The following VIPR1 variants were observed in gnomAD, a reference collection of about 807,000 sequenced individuals.
The protein encoded by VIPR1 is vasoactive intestinal peptide receptor 1, also known as vasoactive intestinal polypeptide receptor 1.
VIPR1 carries 59 observed loss-of-function variants against 58.8 expected under a neutral mutation model. The ratio of observed to expected loss-of-function variants is 1.00; its 90% CI spans 0.81 to 1.25. The LOEUF (loss-of-function observed/expected upper bound fraction) is 1.25, where lower values mean the gene tolerates loss of function less well. Among genes scored for constraint, VIPR1 ranks in the 50% most tolerant of loss-of-function variants. The probability of loss-of-function intolerance (pLI) is 0.00; values close to 1 mark genes in which losing one functional copy is unlikely to be tolerated. For synonymous variants in VIPR1, 251 were observed against 242.1 expected, an observed-to-expected ratio of 1.04 and a Z score of -0.34; for missense variants, 626 against 602.7, an observed-to-expected ratio of 1.04 and a Z score of -0.40.
At chr3:42,503,593 A>T (rs1699977095) in intron 1 of VIPR1, among the ~76,000 whole-genome samples, 1 of 152,098 alleles carries the variant, frequency 6.6e-6, no homozygotes, top group Non-Finnish European at 1.5e-5. Flanking sequence ...GTTCCTGTGG[A>T]TGGCTTACCT....
chr3:42,523,939 T>G (rs472663), intron 3 of VIPR1, among the ~76,000 whole-genome samples: 2,685 of 152,266 alleles, frequency 0.018, 53 homozygotes, highest in East Asian at 0.059. Context: ...TGCCTCAGCC[T>G]CCTGAGTAGC....
chr3:42,495,181 GCA>G (rs1553634364), intron 1 of VIPR1, among the ~76,000 whole-genome samples: 2 of 152,190 alleles, frequency 1.3e-5, no homozygotes, highest in Non-Finnish European at 2.9e-5. Context: ...GAGTGCAGTG[GCA>G]TGATCTCGGC....
intron 1 of VIPR1, chr3:42,511,690 G>A (rs985858856): frequency 6.6e-6 from 1 of 152,342 alleles, no homozygotes; most frequent in Non-Finnish European, 1.5e-5. Context: ...CCTGTTGCTG[G>A]TGGGAGATGG....
chr3:42,504,231 ACT>A, intron 1 of VIPR1, among the ~76,000 whole-genome samples: 1 of 152,108 alleles, frequency 6.6e-6, no homozygotes, highest in Non-Finnish European at 1.5e-5. Context: ...TCTTGGGACC[ACT>A]GTTGTCACCC....
upstream of VIPR1, among the ~76,000 whole-genome samples, chr3:42,498,788 G>A (rs1278435612): frequency 1.3e-5 from 2 of 152,160 alleles, no homozygotes; most frequent in Non-Finnish European, 1.5e-5. Flanking sequence ...ACACAGTCAC[G>A]TCCCCAATCC....
At chr3:42,498,668 G>A (rs188359341), upstream of VIPR1, among the ~76,000 whole-genome samples, 9 of 152,170 alleles carry the variant, frequency 5.9e-5, no homozygotes, top group Admixed American at 2.0e-4. Flanking sequence ...CTGCTCTCCC[G>A]TGAACTTGGT....
rs957622970 is a variant in VIPR1 at position 42,502,654 on chromosome 3, C to T, written c.-82C>T. ...ACAGCGCCAGCGCCACTCTGCCAGG[C>T]TCCCGGCCATCGCCCGCCTGGTGCG... On this transcript the variant is annotated 5_prime_UTR_variant, in exon 1 of 13. Transcript: ENST00000325123. The T allele has an allele frequency of 6.4e-6, 7 of 1,098,810 alleles. No homozygotes were observed. Among genetic ancestry groups the T allele is most frequent in the Admixed American group, 4.4e-5 (1 of 22,772 alleles). 68.1% of individuals were successfully genotyped at this position (1,098,810 alleles called of 1,614,324 possible).
chr3:42,493,172 G>A (rs140904860), intron 1 of VIPR1, among the ~76,000 whole-genome samples: 2 of 152,342 alleles, frequency 1.3e-5, no homozygotes, highest in African/African-American at 4.8e-5. Context: ...AGGCTAGGAG[G>A]GAGACGGGTG....
intron 2 of VIPR1, 116 bp downstream of exon 2, chr3:42,513,970 A>G: frequency 8.4e-7 from 1 of 1,194,372 alleles, no homozygotes; most frequent in Non-Finnish European, 1.2e-6. Flanking sequence ...GATGGTGAGG[A>G]GCGGCTGGGG....
At chr3:42,534,035 T>C (rs1701718677) in intron 10 of VIPR1, 1 of 152,374 alleles carries the variant, frequency 6.6e-6, no homozygotes, top group Non-Finnish European at 1.5e-5. Context: ...CAGGAAGAGC[T>C]CTGGGCCATG....
At chr3:42,524,739 C>A (rs947269598) in intron 3 of VIPR1, among the ~76,000 whole-genome samples, 1 of 152,102 alleles carries the variant, frequency 6.6e-6, no homozygotes, top group Admixed American at 6.5e-5. Context: ...TATCTGGTCA[C>A]CGAAATAAGT....
intron 5 of VIPR1, 118 bp from the exon 6 acceptor site, chr3:42,527,873 C>T: frequency 7.1e-7 from 1 of 1,411,718 alleles, no homozygotes; most frequent in South Asian, 1.3e-5. Context: ...GAGGCGGGGC[C>T]TGCCCTCTGG....
At chr3:42,523,094 C>CCG (rs538538026) in intron 3 of VIPR1, among the ~76,000 whole-genome samples, 1 of 149,268 alleles carries the variant, frequency 6.7e-6, no homozygotes, top group Non-Finnish European at 1.5e-5. Flanking sequence ...ACCCCGCCCC[C>CCG]AGTGGAGTGT....
chr3:42,489,840 G>A (rs1699635074), intron 1 of VIPR1, among the ~76,000 whole-genome samples: 1 of 152,150 alleles, frequency 6.6e-6, no homozygotes, highest in South Asian at 2.1e-4. Flanking sequence ...CTGGTGGCCA[G>A]TTACCCTCAA....
chr3:42,527,780 G>C (rs1701312598), intron 5 of VIPR1: 1 of 712,878 alleles, frequency 1.4e-6, no homozygotes, highest in Non-Finnish European at 2.3e-6. Context: ...CCACACACGA[G>C]GTTGAGGCCC....
chr3:42,522,261 GCCA>G (rs1399897712), intron 3 of VIPR1, among the ~76,000 whole-genome samples: 3 of 150,974 alleles, frequency 2.0e-5, no homozygotes, highest in Non-Finnish European at 4.4e-5. Context: ...GCAGGCGCCC[GCCA>G]CCACACCTAA....
At chr3:42,501,521 G>T (rs541624449), upstream of VIPR1, among the ~76,000 whole-genome samples, 531 of 152,358 alleles carry the variant, frequency 3.5e-3, 4 homozygotes, top group South Asian at 9.1e-3. The surrounding 1 kb of genome is among the most constrained non-coding windows in gnomAD (Gnocchi z 4.8). Flanking sequence ...GCAGGCTCGA[G>T]CCCGTAGAAA....
At position 42,505,609 on chromosome 3, in the gene VIPR1, G is replaced by T. The variant is rs369519765; in HGVS notation, c.78+2796G>T. 4.6e-5 allele frequency among the ~76,000 whole-genome samples: 7 copies of T among 152,370 alleles called. No homozygotes were observed. The East Asian group carries it at 7.7e-4, about 17-fold the overall frequency. On this transcript the variant is annotated intron_variant, in intron 1 of 12. Coordinates refer to ENST00000325123, the MANE Select transcript of VIPR1 (RefSeq NM_004624.4). ...CAGTTAGGCCTGGCCAGGGCTCCCA[G>T]GGTACCATGCTGGAAAAGCGAGCCC...
In VIPR1 at chr3:42,522,101, ATTTTTTTTTTTTTT is replaced by A. The variant is rs1158302778; in HGVS notation, c.292+2787_292+2800del. ...TTCGAATATATATATATATATATAT[ATTTTTTTTTTTTTT>A]TTTTTTTTTTTTTTTAGACAGCGTC... On this transcript the variant is annotated intron_variant, in intron 3 of 12. Coordinates refer to ENST00000325123, the MANE Select transcript of VIPR1 (RefSeq NM_004624.4). Among the ~76,000 whole-genome samples the A allele has an allele frequency of 2.8e-4, 10 of 35,370 alleles. 1 individual carries two copies. Among genetic ancestry groups the A allele is most frequent in the African/African-American group, 9.7e-4 (9 of 9,318 alleles). The allele number at this position is 35,370 out of a possible 152,430, so 23.2% of individuals were successfully genotyped here.
Sources: gnomAD v4.1 joint callset for allele counts (sites outside exome capture counted in the v4.1 genomes callset) on GRCh38, gnomAD v4.1.1 for gene constraint, Gnocchi (gnomAD v3.1) non-coding constraint, MANE v1.5 for transcripts, NCBI Gene and HGNC (gene_info 2026-07-23, HGNC 2026-07-21) for gene names.